METTL21C: variants seen among roughly 807,000 people sequenced by gnomAD.
The protein encoded by METTL21C is methyltransferase 21C, AARS1 lysine.
In METTL21C, 21 loss-of-function variants were observed where a neutral mutation model predicts 25.9. The observed-to-expected ratio is 0.81, with a 90% CI of 0.58 to 1.17. The LOEUF (loss-of-function observed/expected upper bound fraction) is 1.17. Among genes scored for constraint, METTL21C ranks in the 50% most tolerant of loss-of-function variants. METTL21C has a pLI of 0.00. For synonymous variants in METTL21C, 125 were observed against 124.7 expected, an observed-to-expected ratio of 1.00 and a Z score of -0.01; for missense variants, 312 against 315.1, an observed-to-expected ratio of 0.99 and a Z score of 0.07.
chr13:102,689,577 C>G (rs1329573971), intron 2 of METTL21C, among the ~76,000 whole-genome samples: 1 of 152,196 alleles, frequency 6.6e-6, no homozygotes, highest in East Asian at 1.9e-4. Context: ...ATGTGTAAGA[C>G]CTCCTGAATC....
At chr13:102,695,798 G>T (rs1287935874), upstream of METTL21C, among the ~76,000 whole-genome samples, 3 of 152,176 alleles carry the variant, frequency 2.0e-5, no homozygotes, top group Admixed American at 1.3e-4. Flanking sequence ...ATTGCATTCT[G>T]CATCTCTGCA....
At chr13:102,702,149 G>T in the METTL21C span, among the ~76,000 whole-genome samples, 1 of 150,538 alleles carries the variant, frequency 6.6e-6, no homozygotes, top group Non-Finnish European at 1.5e-5. Context: ...AGGTGACAGA[G>T]CAAGACTCTG....
chr13:102,696,683 T>C (rs1333102560), upstream of METTL21C, among the ~76,000 whole-genome samples: 3 of 152,178 alleles, frequency 2.0e-5, no homozygotes, highest in African/African-American at 7.2e-5. Context: ...GCAGAGGCTA[T>C]GTCCAAATCA....
At chr13:102,692,269 G>A (rs1885850766) in intron 1 of METTL21C, among the ~76,000 whole-genome samples, 2 of 149,870 alleles carry the variant, frequency 1.3e-5, no homozygotes, top group South Asian at 4.3e-4. Flanking sequence ...GAGAAACCTG[G>A]TCAGCAGGGC....
At chr13:102,701,193 G>C in the METTL21C span, among the ~76,000 whole-genome samples, 1 of 151,922 alleles carries the variant, frequency 6.6e-6, no homozygotes, top group East Asian at 1.9e-4. Context: ...GAAATACTCT[G>C]AATTATTTAA....
At chr13:102,696,484 T>C (rs774240180), upstream of METTL21C, among the ~76,000 whole-genome samples, 16 of 152,124 alleles carry the variant, frequency 1.1e-4, no homozygotes, top group Non-Finnish European at 2.2e-4. Flanking sequence ...CTGCACATTC[T>C]GCATGTGTAC....
chr13:102,686,723 G>A (rs868107411), intron 3 of METTL21C, among the ~76,000 whole-genome samples: 1 of 152,108 alleles, frequency 6.6e-6, no homozygotes, highest in East Asian at 1.9e-4. Flanking sequence ...ACTCAACTTC[G>A]TCCCATGGAA....
chr13:102,694,272 A>G, intron 1 of METTL21C, 97 bp downstream of exon 1: 2 of 1,391,058 alleles, frequency 1.4e-6, no homozygotes, highest in Non-Finnish European at 2.0e-6. Context: ...TAATGTTAAA[A>G]GGAAATGGAA....
the METTL21C span, among the ~76,000 whole-genome samples, chr13:102,701,691 A>G: frequency 6.6e-6 from 1 of 152,156 alleles, no homozygotes; most frequent in Non-Finnish European, 1.5e-5. Flanking sequence ...TTCTACGAGC[A>G]TGAAGAAAAG....
At chr13:102,691,013 T>C (rs1172944774) in intron 1 of METTL21C, 49 bp from the exon 2 acceptor site, 1 of 1,592,444 alleles carries the variant, frequency 6.3e-7, no homozygotes, top group Non-Finnish European at 8.6e-7. Context: ...TCAAATCCAG[T>C]GCAAAGACAC....
At chr13:102,697,753 T>C (rs1885969624), upstream of METTL21C, among the ~76,000 whole-genome samples, 1 of 152,070 alleles carries the variant, frequency 6.6e-6, no homozygotes, top group South Asian at 2.1e-4. Context: ...GAAAGTATTT[T>C]ATTTGGGGAG....
chr13:102,690,396 G>A (rs188469243), intron 2 of METTL21C, among the ~76,000 whole-genome samples: 1 of 151,256 alleles, frequency 6.6e-6, no homozygotes, highest in East Asian at 2.0e-4. Flanking sequence ...ACTCCAGCCT[G>A]GGTAACAGAG....
rs757870532 is a variant in METTL21C, at chr13:102,690,821, A to G, written c.274T>C (p.Trp92Arg). ...ESIESYGAVV[W>R]PGAMALCQYL... ...TATGACAGTTCTCTCACCCCTGGCC[A>G]CACCACCGCTCCGTAACTCTCTATG... The change falls in exon 2 of 4, where the codon TGG becomes CGG. Residue 92 changes from tryptophan to arginine, a missense_variant. Trp to Arg is a moderately radical substitution (Grantham distance 101, BLOSUM62 -3). Coordinates refer to ENST00000267273, the MANE Select transcript of METTL21C (RefSeq NM_001010977.3). 1.2e-6 allele frequency: 2 copies of G among 1,613,942 alleles called. No homozygotes were observed. Among genetic ancestry groups the G allele is most frequent in the Non-Finnish European group, 8.5e-7 (1 of 1,179,974 alleles).
At chr13:102,699,275 T>G (rs1376558022), upstream of METTL21C, among the ~76,000 whole-genome samples, 2 of 152,174 alleles carry the variant, frequency 1.3e-5, no homozygotes, top group Non-Finnish European at 2.9e-5. Flanking sequence ...CTCCAGCTAT[T>G]GCAACTAAAG....
chr13:102,699,125 C>T (rs189479079), upstream of METTL21C, among the ~76,000 whole-genome samples: 1 of 152,304 alleles, frequency 6.6e-6, no homozygotes, highest in Non-Finnish European at 1.5e-5. Flanking sequence ...GATGCAGGGC[C>T]ATAACCCATA....
chr13:102,694,373 T>G lies in METTL21C; in HGVS notation c.126A>C (p.Leu42=), dbSNP rs1566390697. ...APQKDSTGGV[L]EESNKIEPSL... Reference sequence around the variant, plus strand: ...AGTGATGAAGAAGGAGGTTACCTTCTAGGACTCCCCCGGTGCTGTCTTTCT... The same window carrying G: ...AGTGATGAAGAAGGAGGTTACCTTCGAGGACTCCCCCGGTGCTGTCTTTCT... The change falls in exon 1 of 4, where the codon CTA becomes CTC. Residue 42 remains leucine (L), a synonymous_variant. Transcript: ENST00000267273. The G allele has an allele frequency of 8.7e-6, 14 of 1,602,472 alleles. No homozygotes were observed. In the African/African-American group the frequency reaches 1.5e-4, roughly 17 times the overall value.
chr13:102,690,331 G>T (rs1885795119), intron 2 of METTL21C, among the ~76,000 whole-genome samples: 1 of 151,742 alleles, frequency 6.6e-6, no homozygotes, highest in South Asian at 2.1e-4. Flanking sequence ...TGAGGCAGGA[G>T]AATTGCATGA....
At chr13:102,702,465 G>C in the METTL21C span, among the ~76,000 whole-genome samples, 1 of 152,046 alleles carries the variant, frequency 6.6e-6, no homozygotes, top group African/African-American at 2.4e-5. Flanking sequence ...AGGAATAAAC[G>C]AAGTTTCATG....
intron 2 of METTL21C, among the ~76,000 whole-genome samples, chr13:102,688,583 G>A (rs914394328): frequency 3.3e-5 from 5 of 152,202 alleles, no homozygotes; most frequent in East Asian, 1.9e-4. Flanking sequence ...ACTGCAGCAC[G>A]CTGCAGGGAG....
Sources: gnomAD v4.1 joint callset for allele counts (sites outside exome capture counted in the v4.1 genomes callset) on GRCh38, gnomAD v4.1.1 for gene constraint, MANE v1.5 for transcripts, NCBI Gene and HGNC (gene_info 2026-07-23, HGNC 2026-07-21) for gene names.